The following BAK1 variants were observed in gnomAD, a reference collection of about 807,000 sequenced individuals.
BAK1 encodes the protein BCL2 antagonist/killer 1, also known as bcl-2 homologous antagonist/killer.
A neutral mutation model predicts 24.7 loss-of-function variants in BAK1; 19 were observed. That is an observed-to-expected ratio of 0.77 (90% confidence interval 0.54 to 1.13). The LOEUF is 1.13. Ranked by LOEUF, BAK1 falls within the 50% of genes most tolerant of loss-of-function variation. The pLI is 0.00. For synonymous variants in BAK1, 86 were observed against 107.3 expected, an observed-to-expected ratio of 0.80 and a Z score of 1.23; for missense variants, 194 against 279.4, an observed-to-expected ratio of 0.69 and a Z score of 2.18.
chr6:33,580,047 C>T lies in BAK1; in HGVS notation c.-54G>A, dbSNP rs1475656404. The T allele has an allele frequency of 6.6e-6, 1 of 152,472 alleles. No homozygotes were observed. The highest frequency in any genetic ancestry group is 1.5e-5 in the Non-Finnish European group (1 of 68,192). The allele number at this position is 152,472 out of a possible 1,614,324, so 9.4% of individuals were successfully genotyped here. Reference sequence around the variant, plus strand: ...TACCTGCCGGGATCCTGGCCCAACCCGGGTGGCTCAGCAGGGTGGAGATGG... The same window carrying T: ...TACCTGCCGGGATCCTGGCCCAACCTGGGTGGCTCAGCAGGGTGGAGATGG... On this transcript the variant is annotated 5_prime_UTR_variant, in exon 1 of 6. Transcript: ENST00000374467.
rs984144442 is a variant in BAK1 at position 33,577,094 on chromosome 6, C to T, written c.70+441G>A. Among the ~76,000 whole-genome samples the T allele has an allele frequency of 1.1e-4, 17 of 152,154 alleles. No individual in the cohort carries two copies. The highest frequency in any genetic ancestry group is 7.4e-5 in the Non-Finnish European group (5 of 68,024). On this transcript the variant is annotated intron_variant, in intron 2 of 5. Transcript: ENST00000374467. The surrounding 1 kb of genome is among the most constrained non-coding windows in gnomAD (Gnocchi z 4.6). ...TGAGCTGGGGCTTCCCTGGCTATCC[C>T]CTGGGAAGAGGGAAGGAGGGCAGCC... is the stretch of plus-strand genomic sequence containing the variant.
Position 33,574,035 on chromosome 6 carries a change from C to G in BAK1, c.530G>C (p.Trp177Ser). The G allele has an allele frequency of 6.2e-7, 1 of 1,613,814 alleles. No individual in the cohort carries two copies. Among genetic ancestry groups the G allele is most frequent in the Non-Finnish European group, 8.5e-7 (1 of 1,179,722 alleles). Residue 177 changes from tryptophan to serine, a missense_variant and splice_region_variant, in exon 5 of 6, where the codon TGG (tryptophan) becomes TCG (serine). Transcript: ENST00000374467. ...IARWIAQRGG[W>S]VAALNLGNGP... Reference sequence around the variant, plus strand: ...ACATTGCAGTCCTTGGATACTCACCCAGCCACCCCTCTGTGCAATCCACCG... The same window carrying G: ...ACATTGCAGTCCTTGGATACTCACCGAGCCACCCCTCTGTGCAATCCACCG...
rs757517984 is a variant in BAK1, at chr6:33,574,228, A to G, written c.351-14T>C. On this transcript the variant is annotated splice_polypyrimidine_tract_variant and intron_variant, in intron 4 of 5. Coordinates refer to ENST00000374467, the MANE Select transcript of BAK1 (RefSeq NM_001188.4). ...CTCTCAAACAGGCTGTGGGCAGAGC[A>G]TCCCATAGCATTGGTGGAGAGCCCC... 3 of 1,608,232 alleles carry G rather than the reference A, an allele frequency of 1.9e-6. No homozygotes were observed. The highest frequency in any genetic ancestry group is 1.3e-5 in the African/African-American group (1 of 74,950).
At position 33,577,936 on chromosome 6, in the gene BAK1, A is replaced by G. The variant is rs1428689474; in HGVS notation, c.-31-301T>C. On this transcript the variant is annotated intron_variant, in intron 1 of 5. Coordinates refer to ENST00000374467, the MANE Select transcript of BAK1 (RefSeq NM_001188.4). The surrounding 1 kb of genome is among the most constrained non-coding windows in gnomAD (Gnocchi z 4.6). The stretch of plus-strand genomic sequence containing the variant: ...GCTGGGAGGAAACAACTTACTGAAC[A>G]CTCCCTCTTTGAGGGAGACAGGGTA... 6.6e-6 allele frequency among the ~76,000 whole-genome samples: 1 copy of G among 151,664 alleles called. No homozygotes were observed. The highest frequency in any genetic ancestry group is 1.5e-5 in the Non-Finnish European group (1 of 67,944).
Position 33,577,427 on chromosome 6 carries a change from C to A in BAK1, c.70+108G>T. On this transcript the variant is annotated intron_variant, in intron 2 of 5. Coordinates refer to ENST00000374467, the MANE Select transcript of BAK1 (RefSeq NM_001188.4). This position sits in a 1 kb window ranked among gnomAD's most constrained non-coding sequence, Gnocchi z 4.6. ...GTGGGTGGGGAAGAGTATTCCCCAC[C>A]CACAGTGGGTGAACCGAGGCGAAGG... 1 of 1,114,092 alleles carries A rather than the reference C, an allele frequency of 9.0e-7. No homozygotes were observed. The highest frequency in any genetic ancestry group is 3.1e-5 in the Admixed American group (1 of 31,988). 69.0% of individuals were successfully genotyped at this position (1,114,092 alleles called of 1,614,324 possible). A position where few individuals can be genotyped will look rare whatever the true frequency, so the allele number is the denominator to read the frequency against.
At position 33,573,176 on chromosome 6, in the gene BAK1, T is replaced by C. The variant is rs1762789796; in HGVS notation, c.*627A>G. The C allele has an allele frequency of 6.6e-6, 1 of 152,308 alleles. No individual in the cohort carries two copies. The highest frequency in any genetic ancestry group is 1.5e-5 in the Non-Finnish European group (1 of 68,106). 9.4% of individuals were successfully genotyped at this position (152,308 alleles called of 1,614,324 possible). A position where few individuals can be genotyped will look rare whatever the true frequency, so the allele number is the denominator to read the frequency against. ...ACCCCAAGCCCAGAATCCCTGAGAGTCCAACTGCAAAGGCAGTATGGCCGG... is the reference window on the plus strand; with the variant it reads ...ACCCCAAGCCCAGAATCCCTGAGAGCCCAACTGCAAAGGCAGTATGGCCGG... On this transcript the variant is annotated 3_prime_UTR_variant, in exon 6 of 6. Transcript: ENST00000374467.
In BAK1 at chr6:33,573,756, G is replaced by T. The variant is rs181393571; in HGVS notation, c.*47C>A. The T allele has an allele frequency of 2.4e-5, 36 of 1,516,524 alleles. No homozygotes were observed. Among genetic ancestry groups the T allele is most frequent in the Non-Finnish European group, 3.0e-5 (33 of 1,093,026 alleles). The allele number at this position is 1,516,524 out of a possible 1,614,324, so 93.9% of individuals were successfully genotyped here. The stretch of plus-strand genomic sequence containing the variant: ...CAGAGAAGGCAAAGACTTCGCTTAA[G>T]TCCAGGCAGGGGTCTGAACCGGGAC... On this transcript the variant is annotated 3_prime_UTR_variant, in exon 6 of 6. Coordinates refer to ENST00000374467, the MANE Select transcript of BAK1 (RefSeq NM_001188.4).
chr6:33,578,097 G>GC lies in BAK1; in HGVS notation c.-31-463dup, dbSNP rs1182333698. ...TGGGGGGTTTTTAGCTGTTCCTGGG[G>GC]CCTCCTGCAGCCCACCCAGCACATG... On this transcript the variant is annotated intron_variant, in intron 1 of 5. Coordinates refer to ENST00000374467, the MANE Select transcript of BAK1 (RefSeq NM_001188.4). This position sits in a 1 kb window ranked among gnomAD's most constrained non-coding sequence, Gnocchi z 4.8. Among the ~76,000 whole-genome samples the GC allele has an allele frequency of 6.6e-6, 1 of 152,120 alleles. No individual in the cohort carries two copies. Among genetic ancestry groups the GC allele is most frequent in the Non-Finnish European group, 1.5e-5 (1 of 68,008 alleles).
chr6:33,579,294 C>T (rs781552127), intron 1 of BAK1, among the ~76,000 whole-genome samples: 24 of 152,092 alleles, frequency 1.6e-4, no homozygotes, highest in African/African-American at 3.4e-4. Flanking sequence ...TGCGGTCAGC[C>T]GAGATTGCGC....
chr6:33,578,902 G>T lies in BAK1; in HGVS notation c.-32+1123C>A, dbSNP rs1333368033. On this transcript the variant is annotated intron_variant, in intron 1 of 5. Coordinates refer to ENST00000374467, the MANE Select transcript of BAK1 (RefSeq NM_001188.4). The surrounding 1 kb of genome is among the most constrained non-coding windows in gnomAD (Gnocchi z 4.8). ...CCACCCCCACCGCCCAGGGCCTGGGGACCTTCGCCCACCCTCCTTCCGCTA... is the reference window on the plus strand; with the variant it reads ...CCACCCCCACCGCCCAGGGCCTGGGTACCTTCGCCCACCCTCCTTCCGCTA... Among the ~76,000 whole-genome samples the T allele has an allele frequency of 2.8e-4, 42 of 152,230 alleles. No homozygotes were observed.
In BAK1 at chr6:33,577,563, G is replaced by T; in HGVS notation, c.42C>A (p.Cys14Ter). Residue 14 changes from cysteine (C) to a stop codon, truncating the protein, a stop_gained, in exon 2 of 6, where the codon TGC becomes TGA. Transcript: ENST00000374467. LOFTEE classifies it high-confidence loss of function. The surrounding 1 kb of genome is among the most constrained non-coding windows in gnomAD (Gnocchi z 4.6). ...AAGCAGAGGGCAGGGCAGGCTCTCC[G>T]CACTCCTGCCTGGGAGGACCTGGGC... ...GQGPGPPRQE[C>*]GEPALPSASE... The T allele has an allele frequency of 1.3e-6, 2 of 1,543,818 alleles. No individual in the cohort carries two copies. Among genetic ancestry groups the T allele is most frequent in the Non-Finnish European group, 1.8e-6 (2 of 1,140,600 alleles).
chr6:33,576,888 C>A (rs1000219106), intron 2 of BAK1, among the ~76,000 whole-genome samples: 18 of 152,198 alleles, frequency 1.2e-4, no homozygotes, highest in Non-Finnish European at 2.2e-4. Flanking sequence ...CCGGGACAGT[C>A]CCGGGCATTT....
rs1238233493 is a variant in BAK1, at chr6:33,575,648, G to C, written c.206+145C>G. 1.5e-6 allele frequency: 2 copies of C among 1,375,354 alleles called. No individual in the cohort carries two copies. Among genetic ancestry groups the C allele is most frequent in the African/African-American group, 1.4e-5 (1 of 69,276 alleles). 85.2% of individuals were successfully genotyped at this position (1,375,354 alleles called of 1,614,324 possible). A position where few individuals can be genotyped will look rare whatever the true frequency, so the allele number is the denominator to read the frequency against. ...AAAGGATACAAGGTCCTGGATGGGG[G>C]TGGGAGCCCAACATAAAAGAGGAGC... On this transcript the variant is annotated intron_variant, in intron 3 of 5. Coordinates refer to ENST00000374467, the MANE Select transcript of BAK1 (RefSeq NM_001188.4). The surrounding 1 kb of genome is among the most constrained non-coding windows in gnomAD (Gnocchi z 6.3).
intron 4 of BAK1, 171 bp from the exon 5 acceptor site, chr6:33,574,385 G>A: frequency 3.4e-6 from 5 of 1,455,472 alleles, no homozygotes; most frequent in Non-Finnish European, 3.7e-6. Flanking sequence ...GGGTCTCTGC[G>A]AAAGGAGAAA....
rs1006682704 is a variant in BAK1, at chr6:33,577,209, C to T, written c.70+326G>A. On this transcript the variant is annotated intron_variant, in intron 2 of 5. Coordinates refer to ENST00000374467, the MANE Select transcript of BAK1 (RefSeq NM_001188.4). The surrounding 1 kb of genome is among the most constrained non-coding windows in gnomAD (Gnocchi z 4.6). Reference sequence around the variant, plus strand: ...GGCCAGCTTACTTCCTTATTTCTCCCGCTGGAGGGATACAGCAGCCAGGCC... The same window carrying T: ...GGCCAGCTTACTTCCTTATTTCTCCTGCTGGAGGGATACAGCAGCCAGGCC... Among the ~76,000 whole-genome samples, 1 of 152,126 alleles carries T rather than the reference C, an allele frequency of 6.6e-6. No homozygotes were observed. Among genetic ancestry groups the T allele is most frequent in the African/African-American group, 2.4e-5 (1 of 41,408 alleles).
rs1442129645 is a variant in BAK1, at chr6:33,577,675, C to T, written c.-31-40G>A. The stretch of plus-strand genomic sequence containing the variant: ...GAGAAAAAGCAGAGATGGGGGTGAG[C>T]ACAGACCTGTGACTGGGGACCCCAT... On this transcript the variant is annotated intron_variant, in intron 1 of 5. Transcript: ENST00000374467. This position sits in a 1 kb window ranked among gnomAD's most constrained non-coding sequence, Gnocchi z 4.6. 2 of 1,380,442 alleles carry T rather than the reference C, an allele frequency of 1.4e-6. No homozygotes were observed. The highest frequency in any genetic ancestry group is 2.6e-5 in the East Asian group (1 of 38,388). 85.5% of individuals were successfully genotyped at this position (1,380,442 alleles called of 1,614,324 possible). A position where few individuals can be genotyped will look rare whatever the true frequency, so the allele number is the denominator to read the frequency against.
Position 33,577,613 on chromosome 6 carries a change from T to G in BAK1, c.-9A>C. On this transcript the variant is annotated 5_prime_UTR_variant, in exon 2 of 6. Coordinates refer to ENST00000374467, the MANE Select transcript of BAK1 (RefSeq NM_001188.4). This position sits in a 1 kb window ranked among gnomAD's most constrained non-coding sequence, Gnocchi z 4.6. ...CCTTGCCCCGAAGCCATTTTTCAGGTCTCAGTGGAGGACGGGATCAGCCTG... is the reference window on the plus strand; with the variant it reads ...CCTTGCCCCGAAGCCATTTTTCAGGGCTCAGTGGAGGACGGGATCAGCCTG... 1 of 1,548,010 alleles carries G rather than the reference T, an allele frequency of 6.5e-7. No individual in the cohort carries two copies. Among genetic ancestry groups the G allele is most frequent in the Admixed American group, 2.0e-5 (1 of 50,736 alleles).
In BAK1 at chr6:33,577,491, C is replaced by G. The variant is rs768965444; in HGVS notation, c.70+44G>C. Reference sequence around the variant, plus strand: ...CCTGCTCCTTCCATCCTCACGACAGCACTCATGGTTATGGGATGGGTGAGG... The same window carrying G: ...CCTGCTCCTTCCATCCTCACGACAGGACTCATGGTTATGGGATGGGTGAGG... On this transcript the variant is annotated intron_variant, in intron 2 of 5. Coordinates refer to ENST00000374467, the MANE Select transcript of BAK1 (RefSeq NM_001188.4). The surrounding 1 kb of genome is among the most constrained non-coding windows in gnomAD (Gnocchi z 4.6). The G allele has an allele frequency of 6.0e-6, 9 of 1,505,098 alleles. No homozygotes were observed. In the African/African-American group the frequency reaches 1.2e-4, roughly 21 times the overall value. 93.2% of individuals were successfully genotyped at this position (1,505,098 alleles called of 1,614,324 possible).
In BAK1 at chr6:33,577,454, GCCTGCCTGAGTCCTGCT is replaced by G; in HGVS notation, c.70+64_70+80del. On this transcript the variant is annotated intron_variant, in intron 2 of 5. Transcript: ENST00000374467. This position sits in a 1 kb window ranked among gnomAD's most constrained non-coding sequence, Gnocchi z 4.6. ...ACAGTGGGTGAACCGAGGCGAAGGA[GCCTGCCTGAGTCCTGCT>G]CCTTCCATCCTCACGACAGCACTCA... 7.6e-7 allele frequency: 1 copy of G among 1,321,758 alleles called. No individual in the cohort carries two copies. Among genetic ancestry groups the G allele is most frequent in the Admixed American group, 2.8e-5 (1 of 36,156 alleles). 81.9% of individuals were successfully genotyped at this position (1,321,758 alleles called of 1,614,324 possible). A position where few individuals can be genotyped will look rare whatever the true frequency, so the allele number is the denominator to read the frequency against.
Sources: gnomAD v4.1 joint callset for allele counts (sites outside exome capture counted in the v4.1 genomes callset) on GRCh38, gnomAD v4.1.1 for gene constraint, Gnocchi (gnomAD v3.1) non-coding constraint, MANE v1.5 for transcripts, NCBI Gene and HGNC (gene_info 2026-07-23, HGNC 2026-07-21) for gene names.